MLIP: variants seen among roughly 807,000 people sequenced by gnomAD.
The protein encoded by MLIP is muscular LMNA-interacting protein.
Under a neutral mutation model 84.8 loss-of-function variants are expected in MLIP, and 79 were observed. The observed-to-expected ratio is 0.93, with a 90% CI of 0.78 to 1.12. The LOEUF is 1.12. Ranked by LOEUF, MLIP falls within the 50% of genes most tolerant of loss-of-function variation. The probability of loss-of-function intolerance (pLI) is 0.00; values close to 1 mark genes in which losing one functional copy is unlikely to be tolerated. For missense variants in MLIP, 1,257 were observed against 1,160.6 expected, an observed-to-expected ratio of 1.08 and a Z score of -1.21; for synonymous variants, 504 against 463.0, an observed-to-expected ratio of 1.09 and a Z score of -1.14.
At chr6:54,157,907 C>T (rs1303870443) in intron 5 of MLIP, among the ~76,000 whole-genome samples, 2 of 152,208 alleles carry the variant, frequency 1.3e-5, no homozygotes, top group Non-Finnish European at 2.9e-5. Context: ...ATTAGATTAT[C>T]ATAACCAACC....
chr6:54,171,887 C>T (rs992896564), intron 9 of MLIP, among the ~76,000 whole-genome samples: 1 of 151,546 alleles, frequency 6.6e-6, no homozygotes, highest in Non-Finnish European at 1.5e-5. Context: ...ATTTCTGAAA[C>T]ATTTCAATAT....
At chr6:54,169,274 GA>G (rs778391707) in intron 8 of MLIP, among the ~76,000 whole-genome samples, 9 of 151,590 alleles carry the variant, frequency 5.9e-5, no homozygotes, top group Non-Finnish European at 8.9e-5. Context: ...GAAACATGAG[GA>G]AAGAACTATT....
At chr6:54,020,750 C>G (rs184495931) in intron 1 of MLIP, among the ~76,000 whole-genome samples, 119 of 152,310 alleles carry the variant, frequency 7.8e-4, no homozygotes, top group Non-Finnish European at 1.4e-3. Flanking sequence ...TGTCACAAAA[C>G]TCATGAACAT....
At chr6:54,134,209 T>A (rs10484649) in intron 3 of MLIP, among the ~76,000 whole-genome samples, 10,710 of 152,204 alleles carry the variant, frequency 0.07, 540 homozygotes, top group East Asian at 0.23. Flanking sequence ...TGACTGAGAA[T>A]TTGACAGGTG....
chr6:54,058,135 T>C (rs1765766013), intron 1 of MLIP: 1 of 32,956 alleles, frequency 3.0e-5, no homozygotes, highest in Admixed American at 4.9e-4. Flanking sequence ...TATGTGTATA[T>C]TTTAGGGGGA....
At chr6:54,148,032 C>T (rs188387113) in intron 4 of MLIP, among the ~76,000 whole-genome samples, 128 of 152,262 alleles carry the variant, frequency 8.4e-4, no homozygotes, top group South Asian at 1.7e-3. Context: ...ACCTTCACCA[C>T]CCCACTTTAA....
chr6:54,187,031 T>A (rs1777464145), intron 9 of MLIP, among the ~76,000 whole-genome samples: 1 of 152,054 alleles, frequency 6.6e-6, no homozygotes, highest in African/African-American at 2.4e-5. Flanking sequence ...AAAGATAATT[T>A]AAAAAATAAT....
intron 1 of MLIP, among the ~76,000 whole-genome samples, chr6:54,092,760 C>T (rs545063535): frequency 1.3e-5 from 2 of 152,070 alleles, no homozygotes; most frequent in African/African-American, 2.4e-5. Context: ...AATTGCAAGA[C>T]GAAGTTTCTG....
At chr6:54,265,273 A>C in intron 13 of MLIP, among the ~76,000 whole-genome samples, 1 of 152,082 alleles carries the variant, frequency 6.6e-6, no homozygotes, top group East Asian at 1.9e-4. Context: ...TCTTTTGTAT[A>C]ATCTGCCTTC....
intron 1 of MLIP, among the ~76,000 whole-genome samples, chr6:54,028,720 T>A (rs1024009095): frequency 6.6e-6 from 1 of 152,164 alleles, no homozygotes; most frequent in African/African-American, 2.4e-5. Context: ...TGCTGGTCCA[T>A]CTTTGCATGG....
chr6:54,023,988 A>T (rs1016329750), intron 1 of MLIP, among the ~76,000 whole-genome samples: 1 of 152,212 alleles, frequency 6.6e-6, no homozygotes, highest in Non-Finnish European at 1.5e-5. Context: ...TCAGTGAAGG[A>T]TAGCTCTTTA....
chr6:54,252,418 A>G (rs1180947643), intron 12 of MLIP, among the ~76,000 whole-genome samples: 1 of 129,406 alleles, frequency 7.7e-6, no homozygotes, highest in African/African-American at 3.1e-5. Context: ...ACTATAGTAT[A>G]TTATAACATA....
intron 11 of MLIP, among the ~76,000 whole-genome samples, chr6:54,207,450 A>G (rs1219206097): frequency 9.6e-6 from 1 of 103,860 alleles, no homozygotes; most frequent in Non-Finnish European, 1.8e-5. Context: ...TCTTGATTTT[A>G]TGTGTGCATC....
intron 11 of MLIP, chr6:54,216,881 T>C (rs770328314): frequency 3.0e-6 from 3 of 985,382 alleles, no homozygotes; most frequent in Non-Finnish European, 3.6e-6. Flanking sequence ...TTTGTGATGC[T>C]GTCTGTAAAG....
intron 1 of MLIP, among the ~76,000 whole-genome samples, chr6:54,098,179 G>A (rs1490214256): frequency 1.4e-5 from 2 of 142,924 alleles, no homozygotes; most frequent in African/African-American, 5.1e-5. Flanking sequence ...TGTTAGAGAC[G>A]GGATCTCAAA....
Position 54,160,446 on chromosome 6 carries a change from A to G in MLIP, c.2355+14A>G, listed in dbSNP as rs747278207. On this transcript the variant is annotated intron_variant, in intron 6 of 13. Coordinates refer to ENST00000502396, the MANE Select transcript of MLIP (RefSeq NM_001281747.2). ...CCACCAGTGGAGGTAATAACTTCAG[A>G]TTACCCCTGCTTTTGGTATGCAATT... 1.9e-6 allele frequency: 3 copies of G among 1,612,222 alleles called. No homozygotes were observed. The South Asian group carries it at 3.3e-5, about 18-fold the overall frequency.
At chr6:54,228,710 C>T (rs1297122265) in intron 11 of MLIP, among the ~76,000 whole-genome samples, 1 of 152,172 alleles carries the variant, frequency 6.6e-6, no homozygotes, top group Admixed American at 6.5e-5. Context: ...CATGGGCTTT[C>T]CCCCTGACAA....
rs1777341667 is a variant in MLIP at position 54,185,877 on chromosome 6, G to GA, written c.2545-3992dup. ...TTAATAATGAAAACTTAGGTGAACTGACAAAAACACCATGATGGATATTCT... is the reference window on the plus strand; with the variant it reads ...TTAATAATGAAAACTTAGGTGAACTGAACAAAAACACCATGATGGATATTCT... On this transcript the variant is annotated intron_variant, in intron 9 of 13. Coordinates refer to ENST00000502396, the MANE Select transcript of MLIP (RefSeq NM_001281747.2). 3.9e-5 allele frequency among the ~76,000 whole-genome samples: 6 copies of GA among 152,188 alleles called. No homozygotes were observed. In the South Asian group the frequency reaches 1.0e-3, roughly 26 times the overall value.
chr6:54,197,998 C>T (rs1328517026), intron 10 of MLIP, among the ~76,000 whole-genome samples: 2 of 152,068 alleles, frequency 1.3e-5, no homozygotes, highest in African/African-American at 2.4e-5. Flanking sequence ...ATTAATAAAG[C>T]ATAGTCTGTT....
Sources: allele counts gnomAD v4.1 joint callset (sites outside exome capture counted in the v4.1 genomes callset), GRCh38; gene constraint gnomAD v4.1.1; transcripts MANE v1.5; gene names NCBI Gene and HGNC (gene_info 2026-07-23, HGNC 2026-07-21).